The following MLC1 variants were observed in gnomAD, a reference collection of about 807,000 sequenced individuals.
MLC1 encodes modulator of VRAC current 1, also known as membrane protein MLC1.
Under a neutral mutation model 44.7 loss-of-function variants are expected in MLC1, and 32 were observed. The observed-to-expected ratio is 0.72, with a 90% CI of 0.54 to 0.96. The LOEUF is 0.96. Among genes scored for constraint, MLC1 ranks in the 40% least tolerant of loss-of-function variants. The pLI, the probability that MLC1 is intolerant of heterozygous loss-of-function variation, is 0.00. For missense variants in MLC1, 459 were observed against 492.2 expected (o/e 0.93, Z 0.64); for synonymous variants, 190 against 213.0 (o/e 0.89, Z 0.94).
In MLC1 at chr22:50,065,600, C is replaced by T. The variant is rs1480450335; in HGVS notation, c.895-1402G>A. Reference sequence around the variant, plus strand: ...CCACTGAAAAAGCAATGCAGACGTCCTCATGCTTTGTAAGAGGTCCTCGTC... The same window carrying T: ...CCACTGAAAAAGCAATGCAGACGTCTTCATGCTTTGTAAGAGGTCCTCGTC... On this transcript the variant is annotated intron_variant, in intron 10 of 11. Transcript: ENST00000311597. 2.0e-5 allele frequency among the ~76,000 whole-genome samples: 3 copies of T among 152,198 alleles called. No homozygotes were observed. The South Asian group carries it at 6.2e-4, about 31-fold the overall frequency.
intron 7 of MLC1, 78 bp downstream of exon 7, chr22:50,076,763 G>A (rs1201008469): frequency 1.3e-5 from 19 of 1,511,168 alleles, no homozygotes; most frequent in Non-Finnish European, 1.6e-5. Flanking sequence ...ACTCGGAATC[G>A]AAACGTGACG....
intron 2 of MLC1, among the ~76,000 whole-genome samples, chr22:50,084,403 T>A (rs1052620323): frequency 6.6e-6 from 1 of 152,042 alleles, no homozygotes; most frequent in Non-Finnish European, 1.5e-5. Flanking sequence ...AGGTGACCCC[T>A]CAGAGGACCC....
intron 1 of MLC1, 42 bp downstream of exon 1, chr22:50,085,313 A>G (rs1481112179): frequency 3.0e-6 from 2 of 662,998 alleles, no homozygotes; most frequent in African/African-American, 3.8e-5. Context: ...GAGAGATTGC[A>G]AAACATGCCT....
chr22:50,076,987 G>T (rs572152438), intron 6 of MLC1, 75 bp from the exon 7 acceptor site: 26 of 1,512,554 alleles, frequency 1.7e-5, no homozygotes, highest in Non-Finnish European at 2.4e-5. Flanking sequence ...TCCGGCCGCC[G>T]TGGGCAGTGG....
At chr22:50,082,127 G>A (rs1420269991) in intron 3 of MLC1, among the ~76,000 whole-genome samples, 2 of 152,228 alleles carry the variant, frequency 1.3e-5, no homozygotes, top group African/African-American at 2.4e-5. Flanking sequence ...GTGGAAGCGA[G>A]AGGAGGGGAG....
rs1035469776 is a variant in MLC1 at position 50,083,816 on chromosome 22, A to G, written c.178-643T>C. 1.6e-4 allele frequency among the ~76,000 whole-genome samples: 25 copies of G among 152,112 alleles called. No homozygotes were observed. The highest frequency in any genetic ancestry group is 5.5e-4 in the African/African-American group (23 of 41,488). ...TGGGACCCAGGGTCCTGGCAGAGGAAGCGAGGTCTGGGGCAGAGGGGATCT... is the reference window on the plus strand; with the variant it reads ...TGGGACCCAGGGTCCTGGCAGAGGAGGCGAGGTCTGGGGCAGAGGGGATCT... On this transcript the variant is annotated intron_variant, in intron 2 of 11. Coordinates refer to ENST00000311597, the MANE Select transcript of MLC1 (RefSeq NM_015166.4). This position sits in a 1 kb window ranked among gnomAD's most constrained non-coding sequence, Gnocchi z 4.6.
intron 9 of MLC1, among the ~76,000 whole-genome samples, chr22:50,069,884 C>T (rs898965807): frequency 2.6e-5 from 4 of 151,968 alleles, no homozygotes; most frequent in Admixed American, 2.6e-4. Flanking sequence ...AACGATCGAC[C>T]AGTTCAATTG....
chr22:50,064,569 C>T (rs2061663411), intron 10 of MLC1, among the ~76,000 whole-genome samples: 1 of 152,146 alleles, frequency 6.6e-6, no homozygotes, highest in South Asian at 2.1e-4. Flanking sequence ...GAAGCGCTGA[C>T]CGTTCCGTGT....
At chr22:50,068,673 T>A in intron 9 of MLC1, 118 bp from the exon 10 acceptor site, 2 of 1,191,252 alleles carry the variant, frequency 1.7e-6, no homozygotes, top group Admixed American at 1.8e-5. Flanking sequence ...AGTCCCAAGC[T>A]GGTTCCCTGC....
intron 10 of MLC1, among the ~76,000 whole-genome samples, chr22:50,067,143 C>T (rs1194748343): frequency 1.3e-5 from 2 of 152,054 alleles, no homozygotes; most frequent in Admixed American, 6.5e-5. Flanking sequence ...TCACAGGAAA[C>T]AAAATAATTG....
At chr22:50,084,416 G>A (rs913694612) in intron 2 of MLC1, among the ~76,000 whole-genome samples, 3 of 152,156 alleles carry the variant, frequency 2.0e-5, no homozygotes, top group African/African-American at 7.2e-5. Flanking sequence ...GAGGACCCTG[G>A]GCCCCCAGAG....
At chr22:50,064,224 G>A in intron 10 of MLC1, 26 bp from the exon 11 acceptor site, 1 of 1,571,516 alleles carries the variant, frequency 6.4e-7, no homozygotes. Context: ...GGTGTGAGCA[G>A]AGTGGCCCAG....
At chr22:50,068,363 G>T (rs1229733969) in intron 10 of MLC1, 70 bp downstream of exon 10, 36 of 1,591,746 alleles carry the variant, frequency 2.3e-5, no homozygotes, top group Non-Finnish European at 2.8e-5. Flanking sequence ...CCCAGGCAAA[G>T]CCAGCAAGGG....
rs2061557764 is a variant in MLC1, at chr22:50,061,496, A to G, written c.*87T>C. On this transcript the variant is annotated 3_prime_UTR_variant, in exon 12 of 12. Transcript: ENST00000311597. Reference sequence around the variant, plus strand: ...TCACACAAGGGAAAAGAGGTGTTAGAAGCAGTAGCTCAGGGCGATTAGGGG... The same window carrying G: ...TCACACAAGGGAAAAGAGGTGTTAGGAGCAGTAGCTCAGGGCGATTAGGGG... 2.2e-6 allele frequency: 3 copies of G among 1,374,234 alleles called. No homozygotes were observed. In the East Asian group the frequency reaches 6.8e-5, roughly 31 times the overall value. The allele number at this position is 1,374,234 out of a possible 1,614,324, so 85.1% of individuals were successfully genotyped here.
At chr22:50,075,241 AAAC>A (rs754027895) in intron 7 of MLC1, among the ~76,000 whole-genome samples, 1 of 152,094 alleles carries the variant, frequency 6.6e-6, no homozygotes, top group Non-Finnish European at 1.5e-5. Flanking sequence ...GCTGGGGAAG[AAAC>A]ACACGCCCGA....
chr22:50,072,521 A>C (rs1013388163), intron 8 of MLC1, among the ~76,000 whole-genome samples: 2 of 152,116 alleles, frequency 1.3e-5, no homozygotes, highest in African/African-American at 4.8e-5. Context: ...CCTGATGGGC[A>C]GGGGGTGCTC....
At chr22:50,078,133 C>T (rs1363857222) in intron 5 of MLC1, among the ~76,000 whole-genome samples, 3 of 151,710 alleles carry the variant, frequency 2.0e-5, no homozygotes, top group African/African-American at 7.3e-5. Flanking sequence ...GCTGGGGTTA[C>T]AGGCACCTAC....
intron 9 of MLC1, 122 bp downstream of exon 9, chr22:50,070,405 G>T (rs571728773): frequency 2.4e-4 from 240 of 983,880 alleles, no homozygotes; most frequent in African/African-American, 1.3e-3. Context: ...TGCAGGCCCT[G>T]CAGCCCAGTC....
At chr22:50,072,713 G>T (rs2061884121) in intron 8 of MLC1, 1 of 152,328 alleles carries the variant, frequency 6.6e-6, no homozygotes, top group Admixed American at 6.5e-5. Flanking sequence ...TGTAATCCCT[G>T]CGTTTCAGAC....
Sources: allele counts gnomAD v4.1 joint callset (sites outside exome capture counted in the v4.1 genomes callset), GRCh38; gene constraint gnomAD v4.1.1; non-coding constraint Gnocchi (gnomAD v3.1); transcripts MANE v1.5; gene names NCBI Gene and HGNC (gene_info 2026-07-23, HGNC 2026-07-21).